NR1H4: variants seen among roughly 807,000 people sequenced by gnomAD.
The protein encoded by NR1H4 is nuclear receptor subfamily 1 group H member 4.
NR1H4 carries 23 observed loss-of-function variants against 58.5 expected under a neutral mutation model. The ratio of observed to expected loss-of-function variants is 0.39; its 90% CI spans 0.28 to 0.56. The LOEUF is 0.56. Among genes scored for constraint, NR1H4 ranks in the 20% least tolerant of loss-of-function variants. NR1H4 has a pLI of 0.58. For missense variants in NR1H4, 487 were observed against 576.9 expected (o/e 0.84, Z 1.60); for synonymous variants, 214 against 198.0 (o/e 1.08, Z -0.68).
At chr12:100,479,701 C>T (rs1414574149) in intron 1 of NR1H4, among the ~76,000 whole-genome samples, 2 of 152,240 alleles carry the variant, frequency 1.3e-5, no homozygotes, top group Non-Finnish European at 2.9e-5. Flanking sequence ...AATCCAAACT[C>T]CTTACCATGG....
chr12:100,530,058 G>T (rs924289038), intron 4 of NR1H4, among the ~76,000 whole-genome samples: 3 of 152,240 alleles, frequency 2.0e-5, no homozygotes, highest in Admixed American at 1.3e-4. Flanking sequence ...ATTTACTTCT[G>T]TTTATTCCAA....
At chr12:100,559,464 C>T (rs1955411304) in intron 9 of NR1H4, among the ~76,000 whole-genome samples, 2 of 152,208 alleles carry the variant, frequency 1.3e-5, no homozygotes, top group Non-Finnish European at 2.9e-5. Flanking sequence ...TTGGCGGGCC[C>T]CTCACTCGGA....
At chr12:100,482,448 T>A (rs17030198) in intron 1 of NR1H4, among the ~76,000 whole-genome samples, 2,181 of 152,324 alleles carry the variant, frequency 0.014, 68 homozygotes, top group African/African-American at 0.051. Flanking sequence ...TATTAGTTAC[T>A]TTATTTATTC....
intron 9 of NR1H4, among the ~76,000 whole-genome samples, chr12:100,544,025 G>T (rs1259767197): frequency 6.6e-6 from 1 of 152,094 alleles, no homozygotes; most frequent in Non-Finnish European, 1.5e-5. Flanking sequence ...GGCCAAGGCG[G>T]GTGGATTACA....
intron 9 of NR1H4, among the ~76,000 whole-genome samples, chr12:100,545,766 C>T (rs1955055595): frequency 6.7e-6 from 1 of 149,622 alleles, no homozygotes. Context: ...GCTGTATTAT[C>T]AGTGTTTGTG....
At chr12:100,477,732 G>T (rs1292267162) in intron 1 of NR1H4, among the ~76,000 whole-genome samples, 1 of 152,196 alleles carries the variant, frequency 6.6e-6, no homozygotes, top group Non-Finnish European at 1.5e-5. Context: ...AGTTATGGAA[G>T]CTGCCAGTGT....
intron 1 of NR1H4, among the ~76,000 whole-genome samples, chr12:100,479,084 T>C (rs965036868): frequency 6.6e-6 from 1 of 152,184 alleles, no homozygotes; most frequent in African/African-American, 2.4e-5. Flanking sequence ...TTGTTTATCC[T>C]TTCTGTTTTT....
rs1565790422 is a variant in NR1H4 at position 100,564,141 on chromosome 12, G to A, written c.*652G>A. 6.6e-6 allele frequency: 1 copy of A among 152,422 alleles called. No individual in the cohort carries two copies. Among genetic ancestry groups the A allele is most frequent in the Non-Finnish European group, 1.5e-5 (1 of 68,238 alleles). The allele number at this position is 152,422 out of a possible 1,614,324, so 9.4% of individuals were successfully genotyped here. On this transcript the variant is annotated 3_prime_UTR_variant, in exon 11 of 11. Coordinates refer to ENST00000392986, the MANE Select transcript of NR1H4 (RefSeq NM_001206979.2). ...AATCCTTTCCCCCATAGTTAGTCTT[G>A]AGGCAGGATTCACAAATTCAGAGTA...
chr12:100,504,026 T>G (rs1384833354), intron 3 of NR1H4, among the ~76,000 whole-genome samples: 5 of 151,862 alleles, frequency 3.3e-5, no homozygotes, highest in African/African-American at 1.2e-4. Context: ...ACGAGGGATA[T>G]GAGATAAAAT....
intron 4 of NR1H4, among the ~76,000 whole-genome samples, chr12:100,520,911 C>T (rs753900924): frequency 4.6e-5 from 7 of 152,092 alleles, no homozygotes; most frequent in African/African-American, 9.7e-5. Context: ...ATAAAGCTAG[C>T]GAATTCTTAA....
intron 4 of NR1H4, among the ~76,000 whole-genome samples, chr12:100,516,566 C>T (rs2136180307): frequency 6.6e-6 from 1 of 152,250 alleles, no homozygotes; most frequent in African/African-American, 2.4e-5. Context: ...CAGGGTTTCA[C>T]CATGTTAGCC....
chr12:100,558,397 C>G lies in NR1H4; in HGVS notation c.1079-3488C>G, dbSNP rs979645980. ...AAAAAGAGACAGCATCTCACTTTGT[C>G]ACACAGACTGGAGTGCAGTAGCACA... On this transcript the variant is annotated intron_variant, in intron 9 of 10. Transcript: ENST00000392986. Among the ~76,000 whole-genome samples the G allele has an allele frequency of 6.9e-4, 103 of 149,754 alleles. 1 individual carries two copies. The highest frequency in any genetic ancestry group is 1.6e-4 in the Non-Finnish European group (11 of 67,574).
In NR1H4 at chr12:100,503,526, T is replaced by C. The variant is rs777504030; in HGVS notation, c.80-7252T>C. The C allele has an allele frequency of 3.9e-6, 6 of 1,557,310 alleles. No homozygotes were observed. The East Asian group carries it at 1.4e-4, about 35-fold the overall frequency. The stretch of plus-strand genomic sequence containing the variant: ...GACACTGTTCACAGGTGCTTTCAGG[T>C]CGAGCTCTTGCAACTGGACTGAGGA... On this transcript the variant is annotated intron_variant, in intron 3 of 10. Coordinates refer to ENST00000392986, the MANE Select transcript of NR1H4 (RefSeq NM_001206979.2).
At chr12:100,529,803 T>G (rs1287895389) in intron 4 of NR1H4, among the ~76,000 whole-genome samples, 1 of 152,216 alleles carries the variant, frequency 6.6e-6, no homozygotes, top group Admixed American at 6.5e-5. Flanking sequence ...TTCGGGGCGC[T>G]TGACTTCTAG....
At chr12:100,507,678 T>C (rs1462081823) in intron 3 of NR1H4, among the ~76,000 whole-genome samples, 1 of 152,134 alleles carries the variant, frequency 6.6e-6, no homozygotes. Flanking sequence ...TTGGCTAGGA[T>C]GGTCTCAATC....
chr12:100,522,834 A>G (rs1954461279), intron 4 of NR1H4, among the ~76,000 whole-genome samples: 1 of 152,110 alleles, frequency 6.6e-6, no homozygotes, highest in African/African-American at 2.4e-5. Flanking sequence ...GAGTTACTTC[A>G]CTTAGAATAA....
At chr12:100,557,196 C>T (rs1388336710) in intron 9 of NR1H4, among the ~76,000 whole-genome samples, 1 of 152,192 alleles carries the variant, frequency 6.6e-6, no homozygotes, top group East Asian at 1.9e-4. Context: ...ACACCAGCAT[C>T]TGCTCAGCTT....
intron 1 of NR1H4, among the ~76,000 whole-genome samples, chr12:100,486,326 G>T (rs541209963): frequency 1.9e-3 from 293 of 152,270 alleles, no homozygotes; most frequent in African/African-American, 6.7e-3. Context: ...CTCTCTTCTA[G>T]AAGTTTACGA....
chr12:100,507,805 A>C (rs1429113644), intron 3 of NR1H4, among the ~76,000 whole-genome samples: 4 of 152,132 alleles, frequency 2.6e-5, no homozygotes, highest in Non-Finnish European at 4.4e-5. Flanking sequence ...AGGAAAGGAA[A>C]TTGATTTTTG....
Sources: allele counts gnomAD v4.1 joint callset (sites outside exome capture counted in the v4.1 genomes callset), GRCh38; gene constraint gnomAD v4.1.1; transcripts MANE v1.5; gene names NCBI Gene and HGNC (gene_info 2026-07-23, HGNC 2026-07-21).